The following LCP2 variants were observed in gnomAD, a reference collection of about 807,000 sequenced individuals.
The protein encoded by LCP2 is lymphocyte cytosolic protein 2.
A neutral mutation model predicts 74.5 loss-of-function variants in LCP2; 29 were observed. The ratio of observed to expected loss-of-function variants is 0.39; its 90% confidence interval spans 0.29 to 0.53. LCP2 has a LOEUF of 0.53. LCP2 is among the 20% of genes least tolerant of loss of function. The pLI is 0.72. For missense variants in LCP2, 604 were observed against 634.6 expected, an observed-to-expected ratio of 0.95 and a Z score of 0.52; for synonymous variants, 228 against 229.5, an observed-to-expected ratio of 0.99 and a Z score of 0.06.
chr5:170,258,945 G>T, intron 14 of LCP2, 67 bp from the exon 15 acceptor site: 1 of 1,093,604 alleles, frequency 9.1e-7, no homozygotes, highest in Non-Finnish European at 1.3e-6. Context: ...AATAAAAACT[G>T]CATTTCTCAA....
chr5:170,268,443 A>G lies in LCP2; in HGVS notation c.563T>C (p.Val188Ala). ...GGCGGCCATCGGTCTCTGGGGGGGC[A>G]CAGGAGGCTGCTGGGGGGTTTTCCC... ...PSGKTPQQPP[V>A]PPQRPMAALP... is the part of the protein sequence containing the mutation. The change falls in exon 8 of 21, where the codon GTG becomes GCG. Residue 188 changes from valine to alanine, a missense_variant. Coordinates refer to ENST00000046794, the MANE Select transcript of LCP2 (RefSeq NM_005565.5). The G allele has an allele frequency of 2.8e-6, 1 of 351,844 alleles. No individual in the cohort carries two copies. The highest frequency in any genetic ancestry group is 4.2e-6 in the Non-Finnish European group (1 of 235,552). The allele number at this position is 351,844 out of a possible 1,614,324, so 21.8% of individuals were successfully genotyped here.
In LCP2 at chr5:170,248,663, C is replaced by T. The variant is rs759837895; in HGVS notation, c.*34G>A. 2 of 1,604,742 alleles carry T rather than the reference C, an allele frequency of 1.2e-6. No homozygotes were observed. Among genetic ancestry groups the T allele is most frequent in the Admixed American group, 3.4e-5 (2 of 58,924 alleles). On this transcript the variant is annotated 3_prime_UTR_variant, in exon 21 of 21. Coordinates refer to ENST00000046794, the MANE Select transcript of LCP2 (RefSeq NM_005565.5). ...ATTGATCTCGTGTTGGCAACAGAGG[C>T]AGGAGGACGGTTCATTTGCTCGGCT...
At chr5:170,266,725 G>A (rs1407709841) in intron 10 of LCP2, 83 bp downstream of exon 10, 1 of 1,141,634 alleles carries the variant, frequency 8.8e-7, no homozygotes, top group South Asian at 1.2e-5. Flanking sequence ...AGTTAAATGA[G>A]ATGGTACATG....
Position 170,262,758 on chromosome 5 carries a change from A to C in LCP2, c.819-16T>G, listed in dbSNP as rs1288726125. On this transcript the variant is annotated splice_polypyrimidine_tract_variant and intron_variant, in intron 12 of 20. Transcript: ENST00000046794. ...CCCGAGTGACCTGTGGAGTTCAGGA[A>C]AAGGATGTGTAAGAAACAAACTTTG... 3 of 1,613,566 alleles carry C rather than the reference A, an allele frequency of 1.9e-6. No individual in the cohort carries two copies. Among genetic ancestry groups the C allele is most frequent in the Non-Finnish European group, 2.5e-6 (3 of 1,179,582 alleles).
At chr5:170,258,783 G>A (rs1761604803) in intron 15 of LCP2, 83 bp downstream of exon 15, 4 of 945,038 alleles carry the variant, frequency 4.2e-6, no homozygotes, top group Non-Finnish European at 3.3e-6. Flanking sequence ...TGGGGTTCCT[G>A]TACTAAACAA....
At chr5:170,276,901 C>A (rs1284828688) in intron 3 of LCP2, among the ~76,000 whole-genome samples, 2 of 151,754 alleles carry the variant, frequency 1.3e-5, no homozygotes, top group African/African-American at 4.8e-5. Flanking sequence ...CATGGTGAAA[C>A]CCCGTCTCTA....
intron 13 of LCP2, 102 bp from the exon 14 acceptor site, chr5:170,261,239 C>G: frequency 3.5e-6 from 3 of 854,842 alleles, no homozygotes; most frequent in Non-Finnish European, 5.8e-6. Flanking sequence ...GAAATCGAAC[C>G]CACTGAGCCT....
At chr5:170,267,463 G>A (rs931335697) in intron 8 of LCP2, 7 of 246,820 alleles carry the variant, frequency 2.8e-5, no homozygotes, top group African/African-American at 1.5e-4. Flanking sequence ...TGCAGTTCCT[G>A]GAAAATCTCA....
At chr5:170,297,304 T>C (rs2113223577) in intron 1 of LCP2, among the ~76,000 whole-genome samples, 1 of 152,276 alleles carries the variant, frequency 6.6e-6, no homozygotes, top group East Asian at 1.9e-4. Context: ...CCCTAGCACA[T>C]AATAGGCACA....
Position 170,262,719 on chromosome 5 carries a change from T to C in LCP2, c.842A>G (p.Lys281Arg), listed in dbSNP as rs1330545902. 6.2e-7 allele frequency: 1 copy of C among 1,614,016 alleles called. No individual in the cohort carries two copies. Among genetic ancestry groups the C allele is most frequent in the Non-Finnish European group, 8.5e-7 (1 of 1,179,872 alleles). ...AGRSLGEHLP[K>R]IQKPPLPPTT... ...CGGTGGTAAAGGAGGCTTTTGAATC[T>C]TGGGTAAATGCTCCCCGAGTGACCT... Residue 281 changes from lysine to arginine, a missense_variant, in exon 13 of 21, where the codon AAG becomes AGG. Lys to Arg is a conservative substitution (Grantham distance 26). Coordinates refer to ENST00000046794, the MANE Select transcript of LCP2 (RefSeq NM_005565.5).
At chr5:170,274,569 C>G (rs569593382) in intron 5 of LCP2, among the ~76,000 whole-genome samples, 65 of 152,270 alleles carry the variant, frequency 4.3e-4, no homozygotes, top group African/African-American at 1.5e-3. Context: ...CAACCTTTCT[C>G]GTGTGTAACA....
chr5:170,297,351 C>A (rs780663219), intron 1 of LCP2, among the ~76,000 whole-genome samples, 183 bp downstream of exon 1: 2 of 152,208 alleles, frequency 1.3e-5, no homozygotes, highest in Non-Finnish European at 2.9e-5. Context: ...TCCTTCTCTC[C>A]GGAACTCATG....
chr5:170,272,597 C>CTTATTTTTTTTTTTTTTTTT (rs1761913890), intron 6 of LCP2, among the ~76,000 whole-genome samples: 1 of 40,342 alleles, frequency 2.5e-5, no homozygotes, highest in African/African-American at 8.3e-5. Flanking sequence ...CAAATATTTT[C>CTTATTTTTTTTTTTTTTTTT]TTTTTTTTTT....
At chr5:170,258,903 A>T (rs1379047724) in intron 14 of LCP2, 25 bp from the exon 15 acceptor site, 1 of 1,518,580 alleles carries the variant, frequency 6.6e-7, no homozygotes, top group Non-Finnish European at 9.0e-7. Context: ...AAAAAAAAAG[A>T]TATTAAGCTA....
Position 170,274,308 on chromosome 5 carries a change from G to A in LCP2, c.317C>T (p.Ser106Leu), listed in dbSNP as rs745683345. 2 of 1,613,216 alleles carry A rather than the reference G, an allele frequency of 1.2e-6. No individual in the cohort carries two copies. Among genetic ancestry groups the A allele is most frequent in the Non-Finnish European group, 1.7e-6 (2 of 1,179,638 alleles). ...AGCCCACACCATACTCACAAAGGAC[G>A]ACCAGCCCCCATTGTCCTCTTCGTG... is the stretch of plus-strand genomic sequence containing the variant. ...ESHEEDNGGW[S>L]SFEEDDYESP... Residue 106 changes from serine to leucine, a missense_variant, in exon 6 of 21, where the codon TCG becomes TTG. Coordinates refer to ENST00000046794, the MANE Select transcript of LCP2 (RefSeq NM_005565.5).
intron 17 of LCP2, among the ~76,000 whole-genome samples, chr5:170,255,348 TTCTC>T (rs1761531301): frequency 6.6e-6 from 1 of 152,206 alleles, no homozygotes; most frequent in African/African-American, 2.4e-5. Flanking sequence ...AAAATGTTGA[TTCTC>T]AGGCTATCAA....
chr5:170,293,810 T>C (rs918592353), intron 1 of LCP2, among the ~76,000 whole-genome samples: 2 of 152,240 alleles, frequency 1.3e-5, no homozygotes, highest in Admixed American at 1.3e-4. Context: ...CTGACTTTTT[T>C]CTCTTAAATT....
chr5:170,259,486 G>A (rs1044573456), intron 14 of LCP2, among the ~76,000 whole-genome samples: 3 of 152,076 alleles, frequency 2.0e-5, no homozygotes, highest in Non-Finnish European at 4.4e-5. Flanking sequence ...GACAAGGGAG[G>A]GGCTATTTTC....
Position 170,275,751 on chromosome 5 carries a change from C to T in LCP2, c.254+44G>A, listed in dbSNP as rs562053642. ...TGTGCCTCCCTTTTAAGGTTCAACT[C>T]GGGACTGAAAAATCTTGCGTTTCCT... On this transcript the variant is annotated intron_variant, in intron 4 of 20. Transcript: ENST00000046794. 2.1e-5 allele frequency: 32 copies of T among 1,499,204 alleles called. No homozygotes were observed. In the Admixed American group the frequency reaches 3.5e-4, roughly 16 times the overall value. 92.9% of individuals were successfully genotyped at this position (1,499,204 alleles called of 1,614,324 possible).
Sources: gnomAD v4.1 joint callset for allele counts (sites outside exome capture counted in the v4.1 genomes callset) on GRCh38, gnomAD v4.1.1 for gene constraint, MANE v1.5 for transcripts, NCBI Gene and HGNC (gene_info 2026-07-23, HGNC 2026-07-21) for gene names.